STARD10: variants seen among roughly 807,000 people sequenced by gnomAD.
STARD10 encodes StAR related lipid transfer domain containing 10.
STARD10 carries 24 observed loss-of-function variants against 36.0 expected under a neutral mutation model. The observed-to-expected ratio is 0.67, with a 90% CI of 0.48 to 0.94. The LOEUF is 0.94. Among genes scored for constraint, STARD10 ranks in the 40% least tolerant of loss-of-function variants. The probability of loss-of-function intolerance (pLI) is 0.00; values close to 1 mark genes in which losing one functional copy is unlikely to be tolerated. For missense variants in STARD10, 335 were observed against 396.6 expected, an observed-to-expected ratio of 0.84 and a Z score of 1.32; for synonymous variants, 156 against 161.9, an observed-to-expected ratio of 0.96 and a Z score of 0.28.
chr11:72,760,533 C>G (rs1858701618), intron 2 of STARD10, among the ~76,000 whole-genome samples: 1 of 152,194 alleles, frequency 6.6e-6, no homozygotes, highest in African/African-American at 2.4e-5. Flanking sequence ...GCCTGGATTT[C>G]TTACTGTGTA....
rs1859173471 is a variant in STARD10, at chr11:72,793,361, T to C, written c.-600A>G. 1 of 152,232 alleles carries C rather than the reference T, an allele frequency of 6.6e-6. No homozygotes were observed. The highest frequency in any genetic ancestry group is 1.5e-5 in the Non-Finnish European group (1 of 68,040). The allele number at this position is 152,232 out of a possible 1,614,324, so 9.4% of individuals were successfully genotyped here. On this transcript the variant is annotated 5_prime_UTR_variant, in exon 1 of 7. Coordinates refer to ENST00000334805, the MANE Select transcript of STARD10 (RefSeq NM_006645.3). ...CTCATTTGATCCTCCCAACAGCCTGTTTGCATTTACAAATGAGAAAGCTCA... is the reference window on the plus strand; with the variant it reads ...CTCATTTGATCCTCCCAACAGCCTGCTTGCATTTACAAATGAGAAAGCTCA...
rs1858625361 is a variant in STARD10, at chr11:72,755,106, G to C, written c.667C>G (p.Pro223Ala). ...KKMYKACLKY[P>A]EWKQKHLPHF... Reference sequence around the variant, plus strand: ...GGCAGGTGCTTCTGTTTCCACTCGGGGTACTTGAGGCACGCCTTGTACATC... The same window carrying C: ...GGCAGGTGCTTCTGTTTCCACTCGGCGTACTTGAGGCACGCCTTGTACATC... Residue 223 changes from proline (P) to alanine (A), a missense_variant, in exon 7 of 7, where the codon CCC becomes GCC. Transcript: ENST00000334805. 3 of 1,613,476 alleles carry C rather than the reference G, an allele frequency of 1.9e-6. No individual in the cohort carries two copies. Among genetic ancestry groups the C allele is most frequent in the Non-Finnish European group, 2.5e-6 (3 of 1,179,806 alleles).
intron 2 of STARD10, among the ~76,000 whole-genome samples, chr11:72,777,690 A>C (rs1377944283): frequency 6.6e-6 from 1 of 152,156 alleles, no homozygotes; most frequent in Non-Finnish European, 1.5e-5. Context: ...GGAGGGAGGG[A>C]AGGGGTGGAG....
Position 72,781,389 on chromosome 11 carries a change from G to T in STARD10, c.-113-95C>A. On this transcript the variant is annotated intron_variant, in intron 1 of 6. Coordinates refer to ENST00000334805, the MANE Select transcript of STARD10 (RefSeq NM_006645.3). The surrounding 1 kb of genome is among the most constrained non-coding windows in gnomAD (Gnocchi z 4.7). ...GGGTGGGGAGCTGGAGAGAGGTAGG[G>T]GCTGGCCCCAGGGAAGGGCGGACGG... The T allele has an allele frequency of 3.4e-6, 2 of 584,622 alleles. No homozygotes were observed. The highest frequency in any genetic ancestry group is 4.0e-5 in the South Asian group (2 of 49,580). 36.2% of individuals were successfully genotyped at this position (584,622 alleles called of 1,614,324 possible).
intron 2 of STARD10, chr11:72,766,252 C>T (rs573617273): frequency 6.6e-6 from 1 of 152,594 alleles, no homozygotes; most frequent in South Asian, 2.1e-4. Flanking sequence ...CCTGCCCTGC[C>T]CTTCCATTCA....
At chr11:72,755,583 T>C in intron 6 of STARD10, 118 bp downstream of exon 6, 3 of 1,206,810 alleles carry the variant, frequency 2.5e-6, no homozygotes, top group Non-Finnish European at 3.7e-6. Context: ...AGTGCTGGGA[T>C]TACAGGCATG....
At chr11:72,778,433 C>G (rs1311093896) in intron 2 of STARD10, among the ~76,000 whole-genome samples, 1 of 152,230 alleles carries the variant, frequency 6.6e-6, no homozygotes, top group Non-Finnish European at 1.5e-5. Context: ...TGCATGGAAC[C>G]TGGGAGTCCT....
chr11:72,787,105 AGGAAAT>A, intron 1 of STARD10, among the ~76,000 whole-genome samples: 1 of 150,562 alleles, frequency 6.6e-6, no homozygotes, highest in South Asian at 2.1e-4. Flanking sequence ...AAAAAAAAAA[AGGAAAT>A]GGGACAGCTG....
At chr11:72,772,617 A>G (rs965386727) in intron 2 of STARD10, among the ~76,000 whole-genome samples, 4 of 152,062 alleles carry the variant, frequency 2.6e-5, no homozygotes, top group African/African-American at 9.7e-5. Context: ...AGAGCTGGTA[A>G]TGGCTCTTCC....
At chr11:72,761,841 A>G (rs2135611664) in intron 2 of STARD10, among the ~76,000 whole-genome samples, 1 of 151,606 alleles carries the variant, frequency 6.6e-6, no homozygotes. Context: ...AGGTGTTAAC[A>G]GTGGAGATCT....
chr11:72,761,405 T>C (rs565866377), intron 2 of STARD10, among the ~76,000 whole-genome samples: 9 of 152,080 alleles, frequency 5.9e-5, no homozygotes, highest in African/African-American at 2.2e-4. Flanking sequence ...ATGATCAGAG[T>C]ATCAAATGCA....
At chr11:72,789,721 G>C (rs531283262) in intron 1 of STARD10, among the ~76,000 whole-genome samples, 18 of 152,260 alleles carry the variant, frequency 1.2e-4, no homozygotes, top group African/African-American at 4.1e-4. Context: ...GGGGCTGAAG[G>C]CTCTGCCCTG....
intron 2 of STARD10, among the ~76,000 whole-genome samples, chr11:72,777,961 G>A (rs528428999): frequency 6.6e-6 from 1 of 152,274 alleles, no homozygotes; most frequent in African/African-American, 2.4e-5. Context: ...GGAAAGGGGG[G>A]CAGAAGCTCA....
At chr11:72,786,356 TAA>T (rs1312637190) in intron 1 of STARD10, among the ~76,000 whole-genome samples, 1 of 143,198 alleles carries the variant, frequency 7.0e-6, no homozygotes, top group African/African-American at 2.6e-5. Flanking sequence ...TGTCTCCAGT[TAA>T]AAAAAAAAAG....
At chr11:72,763,251 A>T (rs1858744534) in intron 2 of STARD10, among the ~76,000 whole-genome samples, 1 of 152,246 alleles carries the variant, frequency 6.6e-6, no homozygotes, top group South Asian at 2.1e-4. Flanking sequence ...ATAAAATAGG[A>T]AACCAAAGTC....
intron 2 of STARD10, among the ~76,000 whole-genome samples, chr11:72,771,355 C>T (rs1858854138): frequency 6.6e-6 from 1 of 152,122 alleles, no homozygotes; most frequent in African/African-American, 2.4e-5. Flanking sequence ...GTTGGAAGGA[C>T]ACAGAGCACA....
intron 6 of STARD10, 153 bp from the exon 7 acceptor site, chr11:72,755,295 C>T: frequency 1.5e-6 from 1 of 655,360 alleles, no homozygotes; most frequent in Non-Finnish European, 2.4e-6. Flanking sequence ...CCCTAGGCTC[C>T]ATTCTCCATT....
At position 72,787,875 on chromosome 11, in the gene STARD10, TTTC is replaced by T. The variant is rs565146922; in HGVS notation, c.-114+4997_-114+4999del. On this transcript the variant is annotated intron_variant, in intron 1 of 6. Transcript: ENST00000334805. ...AACCCACACAACTTCCTTCTTTTGGTTTCTTCTTCTTTTTTATCTCAAAGTTGG... is the reference window on the plus strand; with the variant it reads ...AACCCACACAACTTCCTTCTTTTGGTTTCTTCTTTTTTATCTCAAAGTTGG... Among the ~76,000 whole-genome samples the T allele has an allele frequency of 2.7e-4, 41 of 152,250 alleles. No homozygotes were observed. The South Asian group carries it at 3.1e-3, about 12-fold the overall frequency.
chr11:72,760,505 C>A (rs1200590033), intron 2 of STARD10, among the ~76,000 whole-genome samples: 6 of 152,188 alleles, frequency 3.9e-5, no homozygotes, highest in Non-Finnish European at 8.8e-5. Flanking sequence ...GGATTACAGG[C>A]ATAAGCCGCC....
Sources: gnomAD v4.1 joint callset for allele counts (sites outside exome capture counted in the v4.1 genomes callset) on GRCh38, gnomAD v4.1.1 for gene constraint, Gnocchi (gnomAD v3.1) non-coding constraint, MANE v1.5 for transcripts, NCBI Gene and HGNC (gene_info 2026-07-23, HGNC 2026-07-21) for gene names.